The following CNTN6 variants were observed in gnomAD, a reference collection of about 807,000 sequenced individuals.
CNTN6 encodes contactin-6.
A neutral mutation model predicts 122.8 loss-of-function variants in CNTN6; 137 were observed. The observed-to-expected ratio is 1.12, with a 90% CI of 0.97 to 1.29. CNTN6 has a LOEUF of 1.29. Among genes scored for constraint, CNTN6 ranks in the 50% most tolerant of loss-of-function variants. CNTN6 has a pLI of 0.00. For missense variants in CNTN6, 1,634 were observed against 1,223.4 expected (o/e 1.34, Z -5.01); for synonymous variants, 570 against 426.0 (o/e 1.34, Z -4.16).
chr3:1,122,146 G>A (rs897344052), intron 1 of CNTN6, among the ~76,000 whole-genome samples: 1 of 151,850 alleles, frequency 6.6e-6, no homozygotes, highest in African/African-American at 2.4e-5. Flanking sequence ...TCTTCTTAAA[G>A]TTCTGGTTAA....
At chr3:1,373,197 A>G (rs2126142510) in intron 14 of CNTN6, among the ~76,000 whole-genome samples, 1 of 152,280 alleles carries the variant, frequency 6.6e-6, no homozygotes, top group East Asian at 1.9e-4. Context: ...ACGCTTGGCA[A>G]GCGGTGTCAG....
intron 12 of CNTN6, among the ~76,000 whole-genome samples, chr3:1,353,032 T>A (rs1447959203): frequency 6.6e-6 from 1 of 151,766 alleles, no homozygotes; most frequent in Admixed American, 6.6e-5. Context: ...TACTTTACTT[T>A]TAAGATTTCT....
At chr3:1,229,848 T>C (rs1422222070) in intron 4 of CNTN6, among the ~76,000 whole-genome samples, 7 of 152,178 alleles carry the variant, frequency 4.6e-5, no homozygotes, top group Admixed American at 2.6e-4. Flanking sequence ...TTGAAAAGCA[T>C]TTCTATTACC....
chr3:1,305,495 A>T (rs1698207639), intron 7 of CNTN6, among the ~76,000 whole-genome samples: 1 of 152,160 alleles, frequency 6.6e-6, no homozygotes, highest in African/African-American at 2.4e-5. Context: ...TTGTATTGTG[A>T]AATACCCTGA....
chr3:1,165,461 C>T (rs752645384), intron 2 of CNTN6, among the ~76,000 whole-genome samples: 6 of 152,132 alleles, frequency 3.9e-5, no homozygotes, highest in Non-Finnish European at 8.8e-5. Flanking sequence ...AGATTCTTCT[C>T]AACCTTGTAT....
At chr3:1,140,025 A>G (rs1323618362) in intron 1 of CNTN6, among the ~76,000 whole-genome samples, 1 of 152,186 alleles carries the variant, frequency 6.6e-6, no homozygotes, top group African/African-American at 2.4e-5. Context: ...GTTTATATTA[A>G]CAATATCACC....
At position 1,108,738 on chromosome 3, in the gene CNTN6, G is replaced by A. The variant is rs558108949; in HGVS notation, c.-83+15618G>A. The stretch of plus-strand genomic sequence containing the variant: ...TAAATAACTGATTTTAGACTTACCC[G>A]TTTAAGTTGAAAAGTACTGTATATA... On this transcript the variant is annotated intron_variant, in intron 1 of 22. Transcript: ENST00000446702. Among the ~76,000 whole-genome samples, 49 of 152,020 alleles carry A rather than the reference G, an allele frequency of 3.2e-4. No homozygotes were observed. In the South Asian group the frequency reaches 9.1e-3, roughly 28 times the overall value.
At chr3:1,245,768 A>T (rs2094574673) in intron 4 of CNTN6, among the ~76,000 whole-genome samples, 1 of 152,138 alleles carries the variant, frequency 6.6e-6, no homozygotes, top group African/African-American at 2.4e-5. Flanking sequence ...GCAAATACAA[A>T]TAATAAAGAG....
intron 20 of CNTN6, chr3:1,401,186 T>C: frequency 2.5e-6 from 1 of 395,202 alleles, no homozygotes; most frequent in Non-Finnish European, 4.5e-6. Context: ...GATTAATAAA[T>C]TAATACTGGA....
chr3:1,269,782 CCTAT>C (rs1559663290), intron 4 of CNTN6, among the ~76,000 whole-genome samples: 2 of 152,084 alleles, frequency 1.3e-5, no homozygotes, highest in East Asian at 1.9e-4. Flanking sequence ...TTACTATTAT[CCTAT>C]CTATTTTTTC....
chr3:1,250,365 C>T (rs911954421), intron 4 of CNTN6, among the ~76,000 whole-genome samples: 5 of 152,290 alleles, frequency 3.3e-5, no homozygotes, highest in Admixed American at 2.0e-4. Context: ...TATCCTCCAC[C>T]TTCTTTCCAT....
intron 1 of CNTN6, among the ~76,000 whole-genome samples, chr3:1,124,065 A>G (rs1168862440): frequency 1.3e-5 from 2 of 151,906 alleles, no homozygotes; most frequent in Non-Finnish European, 1.5e-5. Context: ...TAATTCTTTT[A>G]ATATTCTGTT....
At position 1,373,776 on chromosome 3, in the gene CNTN6, G is replaced by C. The variant is rs1419166900; in HGVS notation, c.1945+14G>C. On this transcript the variant is annotated intron_variant, in intron 15 of 22. Transcript: ENST00000446702. ...CTGTTGCTACAGGTGAGTGACAAAA[G>C]TGTTTTGGGTCACTTTAAAAATAAT... 2.5e-6 allele frequency: 4 copies of C among 1,575,126 alleles called. No individual in the cohort carries two copies. The highest frequency in any genetic ancestry group is 1.9e-5 in the Admixed American group (1 of 53,642).
chr3:1,388,110 G>A (rs965291780), intron 20 of CNTN6, among the ~76,000 whole-genome samples: 12 of 152,124 alleles, frequency 7.9e-5, no homozygotes, highest in Non-Finnish European at 1.6e-4. Flanking sequence ...CTCGGGGCAG[G>A]GCACAGACAA....
chr3:1,205,780 G>C (rs1559511143), intron 2 of CNTN6, among the ~76,000 whole-genome samples: 1 of 152,160 alleles, frequency 6.6e-6, no homozygotes, highest in East Asian at 1.9e-4. Context: ...CACATGTGTA[G>C]GTGATAAGGA....
At chr3:1,186,195 G>A (rs1281511217) in intron 2 of CNTN6, among the ~76,000 whole-genome samples, 2 of 152,170 alleles carry the variant, frequency 1.3e-5, no homozygotes, top group Non-Finnish European at 2.9e-5. Flanking sequence ...GTCATTTTAA[G>A]AAGTATTCAG....
intron 1 of CNTN6, among the ~76,000 whole-genome samples, chr3:1,110,852 G>T (rs1027315494): frequency 6.6e-6 from 1 of 152,144 alleles, no homozygotes; most frequent in Admixed American, 6.6e-5. Context: ...GGGACTCTTA[G>T]TCCGATGACA....
At chr3:1,264,525 C>G (rs962794055) in intron 4 of CNTN6, among the ~76,000 whole-genome samples, 1 of 151,928 alleles carries the variant, frequency 6.6e-6, no homozygotes, top group East Asian at 1.9e-4. Context: ...TTGACTGTAA[C>G]CTATAACTTA....
intron 2 of CNTN6, among the ~76,000 whole-genome samples, chr3:1,190,985 A>G (rs546707195): frequency 7.9e-5 from 12 of 152,288 alleles, no homozygotes; most frequent in Non-Finnish European, 1.3e-4. Flanking sequence ...ACCATCTCAG[A>G]GCATGTTGAA....
Sources: allele counts gnomAD v4.1 joint callset (sites outside exome capture counted in the v4.1 genomes callset), GRCh38; gene constraint gnomAD v4.1.1; transcripts MANE v1.5; gene names NCBI Gene and HGNC (gene_info 2026-07-23, HGNC 2026-07-21).